The following CFAP157 variants were observed in gnomAD, a reference collection of about 807,000 sequenced individuals.
CFAP157 encodes the protein cilia- and flagella-associated protein 157.
In CFAP157, 43 loss-of-function variants were observed where a neutral mutation model predicts 57.8. That is an observed-to-expected ratio of 0.74 (90% confidence interval 0.58 to 0.96). The LOEUF is 0.96. CFAP157 is among the 40% of genes least tolerant of loss of function. CFAP157 has a pLI of 0.00. For missense variants in CFAP157, 606 were observed against 655.3 expected (o/e 0.92, Z 0.82); for synonymous variants, 267 against 269.0 (o/e 0.99, Z 0.07).
chr9:127,709,808 C>A lies in CFAP157; in HGVS notation c.433+115C>A, dbSNP rs916806932. ...CCACATGCTGCTTGGCACACACTGT[C>A]TTCCTTAATTGTCCCAGCAATCCTA... On this transcript the variant is annotated intron_variant, in intron 2 of 8. Transcript: ENST00000373295. The surrounding 1 kb of genome is among the most constrained non-coding windows in gnomAD (Gnocchi z 4.7). 2.0e-5 allele frequency: 24 copies of A among 1,175,304 alleles called. No homozygotes were observed. The African/African-American group carries it at 2.6e-4, about 13-fold the overall frequency. The allele number at this position is 1,175,304 out of a possible 1,614,324, so 72.8% of individuals were successfully genotyped here. A position where few individuals can be genotyped will look rare whatever the true frequency, so the allele number is the denominator to read the frequency against.
At chr9:127,711,101 C>T (rs1258067659) in intron 3 of CFAP157, 128 bp from the exon 4 acceptor site, 3 of 1,246,508 alleles carry the variant, frequency 2.4e-6, no homozygotes, top group Non-Finnish European at 3.3e-6. Flanking sequence ...CCCATAGCCC[C>T]AACCCTCCCA....
In CFAP157 at chr9:127,714,941, G is replaced by GGGCCCCCCCCCCC; in HGVS notation, c.*1036_*1037insGGCCCCCCCCCCC. On this transcript the variant is annotated 3_prime_UTR_variant, in exon 9 of 9. Coordinates refer to ENST00000373295, the MANE Select transcript of CFAP157 (RefSeq NM_001012502.3). ...CCGCGCCCCAACCCCCACCCCCTTG[G>GGGCCCCCCCCCCC]CCCGCCCGCCCACCCCTGGCGCTCT... 2.2e-6 allele frequency: 1 copy of GGGCCCCCCCCCCC among 446,382 alleles called. No homozygotes were observed. Among genetic ancestry groups the GGGCCCCCCCCCCC allele is most frequent in the Non-Finnish European group, 4.1e-6 (1 of 246,458 alleles). The allele number at this position is 446,382 out of a possible 1,614,324, so 27.7% of individuals were successfully genotyped here. A position where few individuals can be genotyped will look rare whatever the true frequency, so the allele number is the denominator to read the frequency against.
Position 127,714,469 on chromosome 9 carries a change from T to G in CFAP157, c.*564T>G, listed in dbSNP as rs1588400550. On this transcript the variant is annotated 3_prime_UTR_variant, in exon 9 of 9. Transcript: ENST00000373295. ...GGCAGTTAGTGCCTCCCTGGGGCAG[T>G]GTCCTTCCACCCCTCCCTGCCCCGG... 1 of 1,611,698 alleles carries G rather than the reference T, an allele frequency of 6.2e-7. No homozygotes were observed. The highest frequency in any genetic ancestry group is 8.5e-7 in the Non-Finnish European group (1 of 1,177,832).
At position 127,708,939 on chromosome 9, in the gene CFAP157, T is replaced by C. The variant is rs1842704742; in HGVS notation, c.162-483T>C. On this transcript the variant is annotated intron_variant, in intron 1 of 8. Transcript: ENST00000373295. The stretch of plus-strand genomic sequence containing the variant: ...AGAGCTGGCCGACTGCAGCAGGCAT[T>C]GTGGCTAAGAGCCTTGCTTCTGGGG... Among the ~76,000 whole-genome samples the C allele has an allele frequency of 2.0e-5, 3 of 152,244 alleles. No individual in the cohort carries two copies. In the South Asian group the frequency reaches 6.2e-4, roughly 31 times the overall value.
Position 127,710,598 on chromosome 9 carries a change from C to T in CFAP157, c.434-3C>T. The stretch of plus-strand genomic sequence containing the variant: ...ATTGGGCCTTGTGCGCTGTGGCGGC[C>T]AGGGGGGAAGCTGGCAGCCCTGGAG... On this transcript the variant is annotated splice_region_variant and splice_polypyrimidine_tract_variant and intron_variant, in intron 2 of 8. Coordinates refer to ENST00000373295, the MANE Select transcript of CFAP157 (RefSeq NM_001012502.3). The T allele has an allele frequency of 6.3e-7, 1 of 1,578,338 alleles. No individual in the cohort carries two copies. The highest frequency in any genetic ancestry group is 1.7e-4 in the Middle Eastern group (1 of 5,774).
rs1484853450 is a variant in CFAP157 at position 127,715,393 on chromosome 9, G to A, written c.*1488G>A. The stretch of plus-strand genomic sequence containing the variant: ...AGGCAGGGCGCCCTAGTGCAGGAAC[G>A]GAGCTTCAAGAAGTTTGGAGCCCGT... On this transcript the variant is annotated 3_prime_UTR_variant, in exon 9 of 9. Coordinates refer to ENST00000373295, the MANE Select transcript of CFAP157 (RefSeq NM_001012502.3). This position sits in a 1 kb window ranked among gnomAD's most constrained non-coding sequence, Gnocchi z 5.8. 5 of 1,317,058 alleles carry A rather than the reference G, an allele frequency of 3.8e-6. No homozygotes were observed. Among genetic ancestry groups the A allele is most frequent in the Non-Finnish European group, 4.2e-6 (4 of 943,670 alleles). 81.6% of individuals were successfully genotyped at this position (1,317,058 alleles called of 1,614,324 possible).
intron 8 of CFAP157, chr9:127,713,572 T>A (rs544004812): frequency 8.4e-4 from 266 of 316,972 alleles, no homozygotes; most frequent in Admixed American, 1.8e-3. Flanking sequence ...AGTGCCACAA[T>A]CTCAGCTCAC....
Position 127,715,192 on chromosome 9 carries a change from C to T in CFAP157, c.*1287C>T. 6.6e-7 allele frequency: 1 copy of T among 1,526,026 alleles called. No homozygotes were observed. The highest frequency in any genetic ancestry group is 2.5e-5 in the East Asian group (1 of 40,764). 94.5% of individuals were successfully genotyped at this position (1,526,026 alleles called of 1,614,324 possible). A position where few individuals can be genotyped will look rare whatever the true frequency, so the allele number is the denominator to read the frequency against. The stretch of plus-strand genomic sequence containing the variant: ...GCAGTCCGGGATTCCCCAGGCCAGC[C>T]ACCTGCGGGCGGCACCAGGGAAACT... On this transcript the variant is annotated 3_prime_UTR_variant, in exon 9 of 9. Transcript: ENST00000373295. This position sits in a 1 kb window ranked among gnomAD's most constrained non-coding sequence, Gnocchi z 5.8.
intron 5 of CFAP157, 25 bp downstream of exon 5, chr9:127,711,975 G>A: frequency 6.3e-7 from 1 of 1,592,108 alleles, no homozygotes; most frequent in Non-Finnish European, 8.5e-7. Flanking sequence ...CGGAGGGGCG[G>A]GCGGCGGGTG....
chr9:127,707,196 C>A lies in CFAP157; in HGVS notation c.161+4C>A. The A allele has an allele frequency of 6.2e-7, 1 of 1,608,968 alleles. No individual in the cohort carries two copies. Among genetic ancestry groups the A allele is most frequent in the Non-Finnish European group, 8.5e-7 (1 of 1,178,852 alleles). On this transcript the variant is annotated splice_donor_region_variant and intron_variant, in intron 1 of 8. Coordinates refer to ENST00000373295, the MANE Select transcript of CFAP157 (RefSeq NM_001012502.3). ...ACCTGGAGGACCGGCTAGCCCGGTG[C>A]GTGGGCTGGCGGGCAGGAGTCTGGT...
rs947134437 is a variant in CFAP157 at position 127,711,729 on chromosome 9, G to A, written c.856-91G>A. On this transcript the variant is annotated intron_variant, in intron 4 of 8. Coordinates refer to ENST00000373295, the MANE Select transcript of CFAP157 (RefSeq NM_001012502.3). ...TCCAGCCCTGGAGAGCTCACTGGCC[G>A]CTCTGCATAGGGGAACACGGGAGGC... 118 of 1,417,608 alleles carry A rather than the reference G, an allele frequency of 8.3e-5. 2 individuals carry two copies. In the Middle Eastern group the frequency reaches 9.1e-4, roughly 11 times the overall value. 87.8% of individuals were successfully genotyped at this position (1,417,608 alleles called of 1,614,324 possible). A position where few individuals can be genotyped will look rare whatever the true frequency, so the allele number is the denominator to read the frequency against.
rs377039987 is a variant in CFAP157 at position 127,713,663 on chromosome 9, T to C, written c.1492-171T>C. On this transcript the variant is annotated intron_variant, in intron 8 of 8. Transcript: ENST00000373295. ...CAGGGATTACAGGCATGCACCACCA[T>C]GCCTGGCTACTTTTTGTATTTTTAG... The C allele has an allele frequency of 1.3e-5, 7 of 525,830 alleles. No individual in the cohort carries two copies. In the South Asian group the frequency reaches 1.4e-4, roughly 10 times the overall value. The allele number at this position is 525,830 out of a possible 1,614,324, so 32.6% of individuals were successfully genotyped here. A position where few individuals can be genotyped will look rare whatever the true frequency, so the allele number is the denominator to read the frequency against.
rs1419908539 is a variant in CFAP157, at chr9:127,715,909, C to T, written c.*2004C>T. ...TTCGGTTGGGAGGCCTTGTTATGCC[C>T]CCCGCTATGGCCCTGACTTGCGGCG... On this transcript the variant is annotated 3_prime_UTR_variant, in exon 9 of 9. Transcript: ENST00000373295. This position sits in a 1 kb window ranked among gnomAD's most constrained non-coding sequence, Gnocchi z 5.8. 2.6e-6 allele frequency: 2 copies of T among 762,292 alleles called. No individual in the cohort carries two copies. The highest frequency in any genetic ancestry group is 3.5e-5 in the African/African-American group (2 of 56,672). The allele number at this position is 762,292 out of a possible 1,614,324, so 47.2% of individuals were successfully genotyped here.
chr9:127,715,298 G>T lies in CFAP157; in HGVS notation c.*1393G>T. ...CAGAGGAGCGGAAACGCAGAGCAAC[G>T]CTGCAGTGGGGAAGGGGCGCGAAGA... On this transcript the variant is annotated 3_prime_UTR_variant, in exon 9 of 9. Coordinates refer to ENST00000373295, the MANE Select transcript of CFAP157 (RefSeq NM_001012502.3). The surrounding 1 kb of genome is among the most constrained non-coding windows in gnomAD (Gnocchi z 5.8). 7.4e-7 allele frequency: 1 copy of T among 1,357,126 alleles called. No individual in the cohort carries two copies. Among genetic ancestry groups the T allele is most frequent in the Non-Finnish European group, 1.0e-6 (1 of 983,632 alleles). The allele number at this position is 1,357,126 out of a possible 1,614,324, so 84.1% of individuals were successfully genotyped here.
chr9:127,711,051 A>C (rs1444303721), intron 3 of CFAP157, among the ~76,000 whole-genome samples, 178 bp from the exon 4 acceptor site: 1 of 152,128 alleles, frequency 6.6e-6, no homozygotes, highest in Non-Finnish European at 1.5e-5. Flanking sequence ...AAATGGTACC[A>C]ATTACAAAGG....
chr9:127,713,919 G>T lies in CFAP157; in HGVS notation c.*14G>T. On this transcript the variant is annotated 3_prime_UTR_variant, in exon 9 of 9. Transcript: ENST00000373295. Reference sequence around the variant, plus strand: ...CGTCCCAAGTAGGACACAGAGAGAAGAACCTACTCCAGAAATGGACTGGTC... The same window carrying T: ...CGTCCCAAGTAGGACACAGAGAGAATAACCTACTCCAGAAATGGACTGGTC... 6.2e-7 allele frequency: 1 copy of T among 1,611,730 alleles called. No homozygotes were observed. The highest frequency in any genetic ancestry group is 8.5e-7 in the Non-Finnish European group (1 of 1,177,980).
intron 5 of CFAP157, 84 bp from the exon 6 acceptor site, chr9:127,712,115 G>T: frequency 6.4e-7 from 1 of 1,560,256 alleles, no homozygotes; most frequent in South Asian, 1.2e-5. Flanking sequence ...TGGGCTTGGA[G>T]AGAAATGGCA....
chr9:127,712,906 G>A lies in CFAP157; in HGVS notation c.1304+31G>A, dbSNP rs575929587. The A allele has an allele frequency of 3.1e-6, 5 of 1,596,930 alleles. No individual in the cohort carries two copies. The East Asian group carries it at 9.1e-5, about 29-fold the overall frequency. On this transcript the variant is annotated intron_variant, in intron 7 of 8. Transcript: ENST00000373295. Reference sequence around the variant, plus strand: ...CAAGTGGCCCTGTGTGGCCTCAGAGGCAGCCACAGAGAGCAGGGCAAAGGC... The same window carrying A: ...CAAGTGGCCCTGTGTGGCCTCAGAGACAGCCACAGAGAGCAGGGCAAAGGC...
At chr9:127,707,890 G>C (rs1680351523) in intron 1 of CFAP157, among the ~76,000 whole-genome samples, 1 of 152,228 alleles carries the variant, frequency 6.6e-6, no homozygotes, top group Admixed American at 6.5e-5. Flanking sequence ...GACTGATGCT[G>C]TGGGTGACCA....
Sources: allele counts gnomAD v4.1 joint callset (sites outside exome capture counted in the v4.1 genomes callset), GRCh38; gene constraint gnomAD v4.1.1; non-coding constraint Gnocchi (gnomAD v3.1); transcripts MANE v1.5; gene names NCBI Gene and HGNC (gene_info 2026-07-23, HGNC 2026-07-21).